The following PARD3 variants were observed in gnomAD, a reference collection of about 807,000 sequenced individuals.
The protein encoded by PARD3 is partitioning defective 3 homolog.
Under a neutral mutation model 155.4 loss-of-function variants are expected in PARD3, and 75 were observed. The ratio of observed to expected loss-of-function variants is 0.48; its 90% CI spans 0.40 to 0.58. The LOEUF (loss-of-function observed/expected upper bound fraction) is 0.58. PARD3 is among the 20% of genes least tolerant of loss of function. The pLI, the probability that PARD3 is intolerant of heterozygous loss-of-function variation, is 0.00. For synonymous variants in PARD3, 576 were observed against 610.5 expected, an observed-to-expected ratio of 0.94 and a Z score of 0.83; for missense variants, 1,642 against 1,721.7, an observed-to-expected ratio of 0.95 and a Z score of 0.82.
At chr10:34,476,887 T>G (rs565236628) in intron 3 of PARD3, among the ~76,000 whole-genome samples, 3 of 152,318 alleles carry the variant, frequency 2.0e-5, no homozygotes, top group African/African-American at 7.2e-5. Context: ...AGTTTCACCT[T>G]ATTTTAAGGA....
intron 22 of PARD3, among the ~76,000 whole-genome samples, chr10:34,251,201 C>T (rs1034396085): frequency 6.6e-6 from 1 of 152,118 alleles, no homozygotes; most frequent in Non-Finnish European, 1.5e-5. Context: ...ACAAAGGTGA[C>T]AAATCTAACT....
intron 3 of PARD3, among the ~76,000 whole-genome samples, chr10:34,493,921 T>C (rs1005170278): frequency 4.6e-5 from 7 of 152,208 alleles, no homozygotes; most frequent in East Asian, 1.9e-4. Flanking sequence ...TTTGCTACCA[T>C]GCATCTCATC....
intron 4 of PARD3, among the ~76,000 whole-genome samples, chr10:34,451,347 TAACTC>T (rs1230508782): frequency 6.6e-6 from 1 of 152,156 alleles, no homozygotes; most frequent in Admixed American, 6.6e-5. Context: ...TGGATCCACT[TAACTC>T]AGTACACCAA....
At chr10:34,813,398 A>G (rs1844459389) in intron 1 of PARD3, among the ~76,000 whole-genome samples, 1 of 152,174 alleles carries the variant, frequency 6.6e-6, no homozygotes, top group African/African-American at 2.4e-5. Context: ...ATAAACTGTC[A>G]CACATAAACA....
At chr10:34,675,300 T>A (rs1048882937) in intron 2 of PARD3, among the ~76,000 whole-genome samples, 2 of 152,230 alleles carry the variant, frequency 1.3e-5, no homozygotes, top group African/African-American at 4.8e-5. Flanking sequence ...TACATCTTGG[T>A]TGTTATTTTC....
intron 3 of PARD3, among the ~76,000 whole-genome samples, chr10:34,499,370 C>T (rs972777277): frequency 6.6e-6 from 1 of 152,164 alleles, no homozygotes; most frequent in African/African-American, 2.4e-5. Context: ...TCTCCATTTT[C>T]TACGATGATA....
chr10:34,385,792 C>T (rs965987037), intron 7 of PARD3, among the ~76,000 whole-genome samples: 1 of 152,138 alleles, frequency 6.6e-6, no homozygotes, highest in Non-Finnish European at 1.5e-5. Context: ...TATTAGTGGA[C>T]TATAAGCTCC....
Position 34,150,235 on chromosome 10 carries a change from G to A in PARD3, c.3420-18652C>T, listed in dbSNP as rs575687350. Among the ~76,000 whole-genome samples the A allele has an allele frequency of 6.6e-5, 10 of 152,218 alleles. No homozygotes were observed. In the South Asian group the frequency reaches 1.0e-3, roughly 16 times the overall value. ...GAGGCACTTCATAAACACTCAATACGATGAAGAATAAGGACATCTAGGGAG... is the reference window on the plus strand; with the variant it reads ...GAGGCACTTCATAAACACTCAATACAATGAAGAATAAGGACATCTAGGGAG... On this transcript the variant is annotated intron_variant, in intron 22 of 24. Transcript: ENST00000374788.
intron 1 of PARD3, among the ~76,000 whole-genome samples, chr10:34,699,050 C>T (rs1369660164): frequency 6.6e-6 from 1 of 152,156 alleles, no homozygotes; most frequent in East Asian, 1.9e-4. Flanking sequence ...ATGTTACCCT[C>T]TCTTTGAAAT....
chr10:34,249,322 A>T (rs1460566553), intron 22 of PARD3, among the ~76,000 whole-genome samples: 1 of 152,138 alleles, frequency 6.6e-6, no homozygotes, highest in African/African-American at 2.4e-5. Context: ...TGCATTTACC[A>T]AGCTTTTAAG....
At chr10:34,160,967 G>C (rs7908471) in intron 22 of PARD3, among the ~76,000 whole-genome samples, 10,780 of 152,170 alleles carry the variant, frequency 0.071, 1,000 homozygotes, top group East Asian at 0.3. Context: ...TTAGAAAAGA[G>C]ACTCAAGGCC....
chr10:34,148,418 T>A (rs778584660), intron 22 of PARD3, among the ~76,000 whole-genome samples: 1 of 152,218 alleles, frequency 6.6e-6, no homozygotes, highest in Non-Finnish European at 1.5e-5. Context: ...CATTTTGATA[T>A]CATAATAGTG....
chr10:34,182,756 A>C (rs1402717191), intron 22 of PARD3, among the ~76,000 whole-genome samples: 1 of 151,826 alleles, frequency 6.6e-6, no homozygotes, highest in Non-Finnish European at 1.5e-5. Context: ...AAAAAAAAAA[A>C]AAAAAGTCAT....
intron 20 of PARD3, among the ~76,000 whole-genome samples, chr10:34,312,970 T>C (rs1453132478): frequency 6.6e-6 from 1 of 152,212 alleles, no homozygotes; most frequent in Non-Finnish European, 1.5e-5. Context: ...TTTTATTATC[T>C]TGCTGGTTAT....
chr10:34,370,021 C>T (rs1840419435), intron 12 of PARD3, among the ~76,000 whole-genome samples: 2 of 152,008 alleles, frequency 1.3e-5, no homozygotes, highest in African/African-American at 4.8e-5. Flanking sequence ...GAGACTGTGC[C>T]CCTGTCAATT....
At chr10:34,241,445 G>T (rs1053480723) in intron 22 of PARD3, among the ~76,000 whole-genome samples, 1 of 152,156 alleles carries the variant, frequency 6.6e-6, no homozygotes, top group Non-Finnish European at 1.5e-5. Context: ...CCTCAGCAGC[G>T]GGAGGGCACA....
chr10:34,481,456 A>G lies in PARD3; in HGVS notation c.404-11193T>C, dbSNP rs75570110. ...TAAATGACCAGCTACTTATCAAAAC[A>G]GGCATTGGCTACTGAATCCTGTGCA... On this transcript the variant is annotated intron_variant, in intron 3 of 24. Transcript: ENST00000374788. 6.4e-3 allele frequency among the ~76,000 whole-genome samples: 968 copies of G among 152,290 alleles called. 9 individuals carry two copies. The highest frequency in any genetic ancestry group is 0.022 in the African/African-American group (922 of 41,572).
intron 2 of PARD3, among the ~76,000 whole-genome samples, chr10:34,612,636 C>G (rs2090992252): frequency 6.6e-6 from 1 of 152,156 alleles, no homozygotes; most frequent in African/African-American, 2.4e-5. Context: ...ATCTGGAAAA[C>G]TGGGGCAACA....
intron 2 of PARD3, among the ~76,000 whole-genome samples, chr10:34,637,918 A>T (rs2092540790): frequency 6.6e-6 from 1 of 152,232 alleles, no homozygotes; most frequent in Non-Finnish European, 1.5e-5. Context: ...TTTACACAGT[A>T]CTTAAAACTT....
Sources: gnomAD v4.1 joint callset for allele counts (sites outside exome capture counted in the v4.1 genomes callset) on GRCh38, gnomAD v4.1.1 for gene constraint, MANE v1.5 for transcripts, NCBI Gene and HGNC (gene_info 2026-07-23, HGNC 2026-07-21) for gene names.